The following CNTNAP5 variants were observed in gnomAD, a reference collection of about 807,000 sequenced individuals.
CNTNAP5 encodes the protein contactin-associated protein-like 5.
CNTNAP5 carries 72 observed loss-of-function variants against 150.2 expected under a neutral mutation model. The ratio of observed to expected loss-of-function variants is 0.48; its 90% CI spans 0.40 to 0.58. The LOEUF is 0.58. Among genes scored for constraint, CNTNAP5 ranks in the 20% least tolerant of loss-of-function variants. The pLI, the probability that CNTNAP5 is intolerant of heterozygous loss-of-function variation, is 0.00. For synonymous variants in CNTNAP5, 672 were observed against 619.8 expected, an observed-to-expected ratio of 1.08 and a Z score of -1.25; for missense variants, 1,636 against 1,626.2, an observed-to-expected ratio of 1.01 and a Z score of -0.10.
At chr2:124,249,257 A>C (rs1687108709) in intron 3 of CNTNAP5, among the ~76,000 whole-genome samples, 1 of 152,128 alleles carries the variant, frequency 6.6e-6, no homozygotes, top group Admixed American at 6.6e-5. Context: ...TCCTTGCCAT[A>C]CCTGGGAATT....
chr2:124,075,229 CT>C (rs1343062410), intron 1 of CNTNAP5, among the ~76,000 whole-genome samples: 1 of 152,012 alleles, frequency 6.6e-6, no homozygotes, highest in Non-Finnish European at 1.5e-5. Flanking sequence ...AGCTTGCCTC[CT>C]TTTTGTCATA....
intron 19 of CNTNAP5, among the ~76,000 whole-genome samples, chr2:124,859,574 A>C (rs1477668499): frequency 6.6e-6 from 1 of 152,220 alleles, no homozygotes. Flanking sequence ...TACCCAAAGG[A>C]TTATAAATCA....
chr2:124,111,746 G>A (rs926218264), intron 1 of CNTNAP5, among the ~76,000 whole-genome samples: 3 of 152,084 alleles, frequency 2.0e-5, no homozygotes, highest in South Asian at 4.1e-4. Flanking sequence ...TCTTCTTTCC[G>A]GTCCTTCTTC....
intron 6 of CNTNAP5, among the ~76,000 whole-genome samples, chr2:124,454,815 G>A (rs1370002360): frequency 6.6e-6 from 1 of 152,002 alleles, no homozygotes; most frequent in Non-Finnish European, 1.5e-5. Flanking sequence ...ATGAAATCAA[G>A]ATGAAAATTA....
chr2:124,716,148 G>A (rs1331663703), intron 13 of CNTNAP5, among the ~76,000 whole-genome samples: 2 of 151,708 alleles, frequency 1.3e-5, no homozygotes, highest in Non-Finnish European at 1.5e-5. Flanking sequence ...TTATATTTTT[G>A]CCAAGCCCCC....
chr2:124,822,631 G>A (rs1682514453), intron 19 of CNTNAP5, among the ~76,000 whole-genome samples: 1 of 152,170 alleles, frequency 6.6e-6, no homozygotes, highest in African/African-American at 2.4e-5. Context: ...ACAATGAAAT[G>A]AGAGAAACAG....
In CNTNAP5 at chr2:124,387,514, G is replaced by A. The variant is rs193079188; in HGVS notation, c.382-29929G>A. On this transcript the variant is annotated intron_variant, in intron 3 of 23. Coordinates refer to ENST00000682447, the MANE Select transcript of CNTNAP5 (RefSeq NM_001367498.1). Reference sequence around the variant, plus strand: ...AGTTCTTATAGGTTTTGGGTTAGGCGGTGAAGTTAAGAGCAATGTTTTGCG... The same window carrying A: ...AGTTCTTATAGGTTTTGGGTTAGGCAGTGAAGTTAAGAGCAATGTTTTGCG... Among the ~76,000 whole-genome samples the A allele has an allele frequency of 2.7e-4, 41 of 152,236 alleles. 1 individual carries two copies. The East Asian group carries it at 5.4e-3, about 20-fold the overall frequency.
At chr2:124,887,814 T>C (rs1678111691) in intron 21 of CNTNAP5, among the ~76,000 whole-genome samples, 1 of 152,038 alleles carries the variant, frequency 6.6e-6, no homozygotes, top group Non-Finnish European at 1.5e-5. Flanking sequence ...CCCTGTAAAG[T>C]CAGGCAGTGG....
intron 19 of CNTNAP5, among the ~76,000 whole-genome samples, chr2:124,855,167 CTTTTTTTTTTTTTT>C (rs70999224): frequency 5.3e-3 from 380 of 71,512 alleles, no homozygotes; most frequent in Non-Finnish European, 9.0e-3. Context: ...TGGGCTTTTG[CTTTTTTTTTTTTTT>C]TTTTTTTTTT....
chr2:124,212,995 C>T lies in CNTNAP5; in HGVS notation c.83-8710C>T, dbSNP rs951319089. The stretch of plus-strand genomic sequence containing the variant: ...CTGGGACTACAGGCGCCTGGCACCA[C>T]GCCCGGCTAATTTTTTGTATTTTTA... On this transcript the variant is annotated intron_variant, in intron 1 of 23. Coordinates refer to ENST00000682447, the MANE Select transcript of CNTNAP5 (RefSeq NM_001367498.1). Among the ~76,000 whole-genome samples, 16 of 151,990 alleles carry T rather than the reference C, an allele frequency of 1.1e-4. No homozygotes were observed. The South Asian group carries it at 1.7e-3, about 16-fold the overall frequency.
chr2:124,524,007 C>T (rs1694908139), intron 8 of CNTNAP5, among the ~76,000 whole-genome samples: 1 of 151,144 alleles, frequency 6.6e-6, no homozygotes. Flanking sequence ...GATCAGAATA[C>T]GTGACATAAC....
chr2:124,432,170 CA>C, intron 4 of CNTNAP5, among the ~76,000 whole-genome samples: 1 of 152,266 alleles, frequency 6.6e-6, no homozygotes, highest in South Asian at 2.1e-4. Flanking sequence ...AGTTCAGATG[CA>C]ATATCTGTCT....
chr2:124,413,955 A>G (rs1691848725), intron 3 of CNTNAP5, among the ~76,000 whole-genome samples: 1 of 151,928 alleles, frequency 6.6e-6, no homozygotes, highest in South Asian at 2.1e-4. Context: ...GGAACAGACA[A>G]AGTATTGAGA....
chr2:124,149,838 A>G (rs991359050), intron 1 of CNTNAP5, among the ~76,000 whole-genome samples: 1 of 152,210 alleles, frequency 6.6e-6, no homozygotes, highest in Non-Finnish European at 1.5e-5. Context: ...GTTGCCGCCA[A>G]AACAATCCCC....
chr2:124,770,434 C>T (rs1280531657), intron 16 of CNTNAP5, among the ~76,000 whole-genome samples: 1 of 152,152 alleles, frequency 6.6e-6, no homozygotes, highest in African/African-American at 2.4e-5. Flanking sequence ...TGTGTTGTCT[C>T]AGTGGAATTT....
chr2:124,284,967 G>C (rs1688111156), intron 3 of CNTNAP5, among the ~76,000 whole-genome samples: 1 of 152,100 alleles, frequency 6.6e-6, no homozygotes, highest in Admixed American at 6.5e-5. Context: ...ACCCAGGCTG[G>C]AGTGCAATGG....
chr2:124,416,458 G>A (rs1691920163), intron 3 of CNTNAP5, among the ~76,000 whole-genome samples: 1 of 151,646 alleles, frequency 6.6e-6, no homozygotes, highest in Admixed American at 6.6e-5. Flanking sequence ...TACAATATTA[G>A]TAGACCACAT....
chr2:124,052,590 C>A (rs1385767662), intron 1 of CNTNAP5, among the ~76,000 whole-genome samples: 1 of 152,172 alleles, frequency 6.6e-6, no homozygotes, highest in Non-Finnish European at 1.5e-5. Flanking sequence ...ATTACTAACC[C>A]TTTTGCTTTC....
At chr2:124,527,002 A>G (rs1392526999) in intron 9 of CNTNAP5, among the ~76,000 whole-genome samples, 1 of 152,242 alleles carries the variant, frequency 6.6e-6, no homozygotes, top group Non-Finnish European at 1.5e-5. Context: ...AATAGCAAAT[A>G]GTTTACCAAT....
Sources: allele counts gnomAD v4.1 joint callset (sites outside exome capture counted in the v4.1 genomes callset), GRCh38; gene constraint gnomAD v4.1.1; transcripts MANE v1.5; gene names NCBI Gene and HGNC (gene_info 2026-07-23, HGNC 2026-07-21).